The following SLC14A2 variants were observed in gnomAD, a reference collection of about 807,000 sequenced individuals.
SLC14A2 encodes solute carrier family 14 member 2, also known as urea transporter 2.
A neutral mutation model predicts 104.6 loss-of-function variants in SLC14A2; 91 were observed. The observed-to-expected ratio is 0.87, with a 90% CI of 0.73 to 1.04. The LOEUF (loss-of-function observed/expected upper bound fraction) is 1.04. SLC14A2 is among the 50% of genes least tolerant of loss of function. The probability of loss-of-function intolerance (pLI) is 0.00; values close to 1 mark genes in which losing one functional copy is unlikely to be tolerated. For synonymous variants in SLC14A2, 476 were observed against 466.4 expected (o/e 1.02, Z -0.27); for missense variants, 1,189 against 1,156.0 (o/e 1.03, Z -0.41).
intron 13 of SLC14A2, among the ~76,000 whole-genome samples, 198 bp downstream of exon 13, chr18:45,667,292 C>T (rs2144632677): frequency 6.6e-6 from 1 of 152,326 alleles, no homozygotes; most frequent in East Asian, 1.9e-4. Context: ...AATAGCAATA[C>T]ATGCAAGAGT....
At chr18:45,366,271 T>G (rs1275111059) in intron 1 of SLC14A2, among the ~76,000 whole-genome samples, 1 of 152,048 alleles carries the variant, frequency 6.6e-6, no homozygotes, top group Non-Finnish European at 1.5e-5. Flanking sequence ...CTGGGCTCAA[T>G]CCCCAACTTC....
At chr18:45,557,180 C>T (rs1369101628) in intron 2 of SLC14A2, among the ~76,000 whole-genome samples, 2 of 152,170 alleles carry the variant, frequency 1.3e-5, no homozygotes, top group African/African-American at 4.8e-5. Context: ...CAGTGTTGAC[C>T]CTCGACCAGT....
rs58079608 is a variant in SLC14A2, at chr18:45,494,915, T to TACACACACACACACACAC, written c.-35+11601_-35+11618dup. Among the ~76,000 whole-genome samples the TACACACACACACACACAC allele has an allele frequency of 4.1e-3, 605 of 148,736 alleles. 3 individuals are homozygous for TACACACACACACACACAC. Among genetic ancestry groups the TACACACACACACACACAC allele is most frequent in the East Asian group, 0.02 (100 of 5,028 alleles). Reference sequence around the variant, plus strand: ...AATCGGGTCATCACACACACACACATACACACACACACACACACACACACA... The same window carrying TACACACACACACACACAC: ...AATCGGGTCATCACACACACACACATACACACACACACACACACACACACACACACACACACACACACA... On this transcript the variant is annotated intron_variant, in intron 2 of 20. Transcript: ENST00000586448.
chr18:45,247,701 CT>C (rs199702602), intron 1 of SLC14A2, among the ~76,000 whole-genome samples: 6,749 of 138,194 alleles, frequency 0.049, 248 homozygotes, highest in East Asian at 0.12. Context: ...TAATGTAGGC[CT>C]TTTTTTTTTT....
chr18:45,299,323 C>T (rs1466119616), intron 1 of SLC14A2, among the ~76,000 whole-genome samples: 1 of 152,196 alleles, frequency 6.6e-6, no homozygotes, highest in Admixed American at 6.5e-5. Flanking sequence ...CTTTGCATGC[C>T]AGGTTGCCTG....
intron 2 of SLC14A2, among the ~76,000 whole-genome samples, chr18:45,558,860 G>C (rs765200007): frequency 6.6e-6 from 1 of 151,986 alleles, no homozygotes; most frequent in Admixed American, 6.6e-5. Context: ...ACACGATCTC[G>C]GCTCACTGCA....
At chr18:45,484,029 G>A (rs1037722111) in intron 2 of SLC14A2, among the ~76,000 whole-genome samples, 1 of 152,176 alleles carries the variant, frequency 6.6e-6, no homozygotes, top group Non-Finnish European at 1.5e-5. Flanking sequence ...TGTTGTAACA[G>A]ATAACATTCA....
the SLC14A2 span, among the ~76,000 whole-genome samples, chr18:45,194,166 C>A: frequency 7.9e-5 from 12 of 152,140 alleles, no homozygotes; most frequent in African/African-American, 2.9e-4. Flanking sequence ...TCCATTATTT[C>A]TTTCCTATAT....
At chr18:45,292,187 C>A (rs1268445193) in intron 1 of SLC14A2, among the ~76,000 whole-genome samples, 5 of 152,158 alleles carry the variant, frequency 3.3e-5, no homozygotes, top group African/African-American at 1.2e-4. Context: ...CAAAATATGT[C>A]TTTTGCGGCA....
intron 1 of SLC14A2, among the ~76,000 whole-genome samples, chr18:45,331,587 A>T (rs1285997562): frequency 6.6e-6 from 1 of 151,654 alleles, no homozygotes; most frequent in East Asian, 1.9e-4. Flanking sequence ...GCTACTCGGG[A>T]GGCTGAGGCA....
In SLC14A2 at chr18:45,300,453, C is replaced by T. The variant is rs140120369; in HGVS notation, c.-125+87262C>T. ...AACCCTCCCCAAAAAAAAAAAAGTC[C>T]TAAGAAGTTGCAGAATTTCTTTTCC... On this transcript the variant is annotated intron_variant, in intron 1 of 20. Transcript: ENST00000586448. 4.3e-3 allele frequency among the ~76,000 whole-genome samples: 648 copies of T among 151,938 alleles called. 4 individuals carry two copies. The highest frequency in any genetic ancestry group is 0.015 in the African/African-American group (614 of 41,452).
chr18:45,295,503 G>T (rs2084910406), intron 1 of SLC14A2, among the ~76,000 whole-genome samples: 1 of 152,112 alleles, frequency 6.6e-6, no homozygotes, highest in South Asian at 2.1e-4. Context: ...CACCGCTGAA[G>T]AGGAGAACTA....
chr18:45,459,522 C>T (rs1246365185), intron 1 of SLC14A2, among the ~76,000 whole-genome samples: 1 of 152,178 alleles, frequency 6.6e-6, no homozygotes, highest in African/African-American at 2.4e-5. Context: ...ACTTTCAGCA[C>T]ACCACCTCCT....
intron 1 of SLC14A2, among the ~76,000 whole-genome samples, chr18:45,290,299 T>C (rs1240936057): frequency 6.6e-6 from 1 of 152,186 alleles, no homozygotes; most frequent in South Asian, 2.1e-4. Context: ...AGCAGTCTTT[T>C]GTTCCATTCT....
At chr18:45,279,899 T>C (rs2084744085) in intron 1 of SLC14A2, among the ~76,000 whole-genome samples, 1 of 151,944 alleles carries the variant, frequency 6.6e-6, no homozygotes, top group Non-Finnish European at 1.5e-5. Context: ...GCATAGTTCT[T>C]TGATGTGGTG....
At chr18:45,389,260 G>A (rs1324047866) in intron 1 of SLC14A2, among the ~76,000 whole-genome samples, 1 of 152,164 alleles carries the variant, frequency 6.6e-6, no homozygotes, top group Non-Finnish European at 1.5e-5. Flanking sequence ...TTTGCGACTT[G>A]TTTTCCTGAC....
chr18:45,525,037 C>T (rs1302320411), intron 2 of SLC14A2, among the ~76,000 whole-genome samples: 2 of 152,086 alleles, frequency 1.3e-5, no homozygotes, highest in African/African-American at 4.8e-5. Context: ...TATCCACCTC[C>T]CTATTTAAAT....
intron 1 of SLC14A2, among the ~76,000 whole-genome samples, chr18:45,370,983 C>T (rs1263788118): frequency 6.6e-6 from 1 of 152,086 alleles, no homozygotes; most frequent in Non-Finnish European, 1.5e-5. Flanking sequence ...GAGCAAGATC[C>T]GATTGCCAAT....
chr18:45,397,695 TTTG>T (rs2086050704), intron 1 of SLC14A2, among the ~76,000 whole-genome samples: 1 of 152,186 alleles, frequency 6.6e-6, no homozygotes, highest in Non-Finnish European at 1.5e-5. Flanking sequence ...AATTTTTGCT[TTTG>T]TTGCAGTTGC....
Sources: allele counts gnomAD v4.1 joint callset (sites outside exome capture counted in the v4.1 genomes callset), GRCh38; gene constraint gnomAD v4.1.1; transcripts MANE v1.5; gene names NCBI Gene and HGNC (gene_info 2026-07-23, HGNC 2026-07-21).